The following SPAG16 variants were observed in gnomAD, a reference collection of about 807,000 sequenced individuals.
SPAG16 encodes the protein sperm associated antigen 16.
In SPAG16, 86 loss-of-function variants were observed where a neutral mutation model predicts 80.4. That is an observed-to-expected ratio of 1.07 (90% CI 0.90 to 1.28). SPAG16 has a LOEUF of 1.28. SPAG16 is among the 50% of genes most tolerant of loss of function. The pLI is 0.00. For synonymous variants in SPAG16, 294 were observed against 265.9 expected, an observed-to-expected ratio of 1.11 and a Z score of -1.03; for missense variants, 870 against 765.3, an observed-to-expected ratio of 1.14 and a Z score of -1.61.
intron 9 of SPAG16, among the ~76,000 whole-genome samples, chr2:213,388,776 A>T (rs969230788): frequency 6.6e-6 from 1 of 152,230 alleles, no homozygotes; most frequent in African/African-American, 2.4e-5. Flanking sequence ...AATTTGTCAA[A>T]GAGATGAAAG....
At chr2:214,390,272 G>T (rs2126126029) in intron 15 of SPAG16, among the ~76,000 whole-genome samples, 1 of 149,702 alleles carries the variant, frequency 6.7e-6, no homozygotes, top group South Asian at 2.1e-4. Context: ...ATGGTCAGTG[G>T]TAGAGCATTT....
intron 5 of SPAG16, among the ~76,000 whole-genome samples, chr2:213,336,498 A>T (rs1348769359): frequency 6.6e-6 from 1 of 152,218 alleles, no homozygotes; most frequent in African/African-American, 2.4e-5. Context: ...TTCCGAGGGC[A>T]GGAGGGTTGG....
At chr2:213,980,683 A>G (rs1335463318) in intron 12 of SPAG16, among the ~76,000 whole-genome samples, 21 of 138,732 alleles carry the variant, frequency 1.5e-4, no homozygotes, top group African/African-American at 5.3e-4. Flanking sequence ...ATATGTGTGT[A>G]TATATAGAAT....
intron 5 of SPAG16, among the ~76,000 whole-genome samples, chr2:213,327,890 C>T (rs1368916171): frequency 6.6e-6 from 1 of 152,032 alleles, no homozygotes; most frequent in African/African-American, 2.4e-5. Flanking sequence ...ATTATGAGTA[C>T]AGAAACATTT....
At chr2:213,754,785 T>G (rs1311748829) in intron 10 of SPAG16, among the ~76,000 whole-genome samples, 1 of 152,186 alleles carries the variant, frequency 6.6e-6, no homozygotes, top group Non-Finnish European at 1.5e-5. Context: ...ATCTGGTGTG[T>G]GCTCAGCTGC....
chr2:214,358,681 C>T (rs1008954175), intron 15 of SPAG16, among the ~76,000 whole-genome samples: 2 of 151,820 alleles, frequency 1.3e-5, no homozygotes, highest in African/African-American at 4.8e-5. Flanking sequence ...TTGCAGTCTT[C>T]TGTACTCTAG....
At chr2:213,635,024 A>G (rs555994808) in intron 10 of SPAG16, among the ~76,000 whole-genome samples, 1 of 149,778 alleles carries the variant, frequency 6.7e-6, no homozygotes, top group African/African-American at 2.5e-5. Flanking sequence ...GGCTGGTTTC[A>G]TATTTCTTTT....
chr2:213,901,370 G>T (rs184728213), intron 11 of SPAG16, among the ~76,000 whole-genome samples: 1 of 152,170 alleles, frequency 6.6e-6, no homozygotes, highest in African/African-American at 2.4e-5. Flanking sequence ...AGGCCTGAAC[G>T]CATTTCACCC....
chr2:213,877,306 T>G (rs1342637799), intron 11 of SPAG16, among the ~76,000 whole-genome samples: 1 of 151,928 alleles, frequency 6.6e-6, no homozygotes, highest in Non-Finnish European at 1.5e-5. Context: ...ATACATGGGT[T>G]TTTTTGTTTG....
At chr2:213,815,014 C>T (rs781650820) in intron 10 of SPAG16, among the ~76,000 whole-genome samples, 32 of 151,832 alleles carry the variant, frequency 2.1e-4, no homozygotes, top group South Asian at 6.2e-4. Context: ...TATAAACAGA[C>T]GATTCAAAAA....
intron 13 of SPAG16, among the ~76,000 whole-genome samples, chr2:214,072,167 G>A (rs2050817494): frequency 1.3e-5 from 2 of 151,922 alleles, no homozygotes; most frequent in Admixed American, 1.3e-4. Flanking sequence ...ACAAAGGCAA[G>A]CACAAAATTT....
At chr2:213,658,913 G>A (rs192561776) in intron 10 of SPAG16, among the ~76,000 whole-genome samples, 3 of 152,080 alleles carry the variant, frequency 2.0e-5, no homozygotes, top group African/African-American at 7.2e-5. Flanking sequence ...GCTTGTGCCT[G>A]TATTCCCAGC....
chr2:213,284,507 C>A lies in SPAG16; in HGVS notation c.24C>A (p.Pro8=). MAAQRGM[P]SSAVRVLEEA... ...AGATGGCTGCTCAGCGAGGGATGCC[C>A]AGCTCCGCCGTGAGGGTCCTGGAAG... The change falls in exon 1 of 16, where the codon CCC becomes CCA. Residue 8 remains proline (P), a synonymous_variant. Coordinates refer to ENST00000331683, the MANE Select transcript of SPAG16 (RefSeq NM_024532.5). 6.3e-7 allele frequency: 1 copy of A among 1,577,826 alleles called. No homozygotes were observed. Among genetic ancestry groups the A allele is most frequent in the East Asian group, 2.3e-5 (1 of 43,026 alleles).
chr2:214,341,931 T>G (rs1228793450), intron 15 of SPAG16, among the ~76,000 whole-genome samples: 1 of 151,554 alleles, frequency 6.6e-6, no homozygotes, highest in Admixed American at 6.6e-5. Flanking sequence ...GGCAGGGAGG[T>G]CTCCAAGGCA....
intron 10 of SPAG16, among the ~76,000 whole-genome samples, chr2:213,564,193 G>A (rs930512710): frequency 3.3e-5 from 5 of 152,114 alleles, no homozygotes; most frequent in African/African-American, 7.2e-5. Flanking sequence ...GGAGCCAAAG[G>A]CAGTATGTGT....
At chr2:214,252,128 A>C (rs1690334915) in intron 15 of SPAG16, among the ~76,000 whole-genome samples, 1 of 152,154 alleles carries the variant, frequency 6.6e-6, no homozygotes, top group Non-Finnish European at 1.5e-5. Flanking sequence ...GTAAAAATAA[A>C]AAATGAAATT....
chr2:214,373,662 AT>A (rs796400059), intron 15 of SPAG16, among the ~76,000 whole-genome samples: 4 of 152,274 alleles, frequency 2.6e-5, no homozygotes, highest in African/African-American at 9.6e-5. Flanking sequence ...GAGGGAGATG[AT>A]TTTGCTGATG....
intron 9 of SPAG16, among the ~76,000 whole-genome samples, chr2:213,481,504 A>G (rs1334038494): frequency 1.3e-5 from 2 of 152,200 alleles, no homozygotes; most frequent in Admixed American, 1.3e-4. Context: ...CATTAGCAAA[A>G]TAAACACCTG....
At chr2:214,054,515 A>C (rs775913224) in intron 13 of SPAG16, among the ~76,000 whole-genome samples, 3 of 152,186 alleles carry the variant, frequency 2.0e-5, no homozygotes, top group Non-Finnish European at 4.4e-5. Context: ...TGCAAAATTC[A>C]ATATATTTCT....
Sources: gnomAD v4.1 joint callset for allele counts (sites outside exome capture counted in the v4.1 genomes callset) on GRCh38, gnomAD v4.1.1 for gene constraint, MANE v1.5 for transcripts, NCBI Gene and HGNC (gene_info 2026-07-23, HGNC 2026-07-21) for gene names.